The following PPP2R5C variants were observed in gnomAD, a reference collection of about 807,000 sequenced individuals.
The protein encoded by PPP2R5C is protein phosphatase 2 regulatory subunit B'gamma, also known as serine/threonine-protein phosphatase 2A 56 kDa regulatory subunit gamma isoform.
A neutral mutation model predicts 68.9 loss-of-function variants in PPP2R5C; 7 were observed. The ratio of observed to expected loss-of-function variants is 0.10; its 90% CI spans 0.06 to 0.19. The LOEUF (loss-of-function observed/expected upper bound fraction) is 0.19. Ranked by LOEUF, PPP2R5C falls within the 10% of genes least tolerant of loss-of-function variation. PPP2R5C has a pLI of 1.00. For missense variants in PPP2R5C, 348 were observed against 641.3 expected (o/e 0.54, Z 4.94); for synonymous variants, 210 against 222.2 (o/e 0.95, Z 0.49).
At chr14:101,842,832 C>G (rs1289474028) in intron 1 of PPP2R5C, among the ~76,000 whole-genome samples, 2 of 149,080 alleles carry the variant, frequency 1.3e-5, no homozygotes, top group African/African-American at 5.0e-5. Context: ...CCCACCATTT[C>G]CGTGTCTGAT....
chr14:101,910,295 G>A (rs2046309647), intron 11 of PPP2R5C, among the ~76,000 whole-genome samples: 1 of 152,300 alleles, frequency 6.6e-6, no homozygotes, highest in Non-Finnish European at 1.5e-5. Context: ...GTTGAGTATG[G>A]ACTATTGGCA....
intron 2 of PPP2R5C, among the ~76,000 whole-genome samples, chr14:101,783,388 G>T (rs2037927948): frequency 6.6e-6 from 1 of 150,648 alleles, no homozygotes; most frequent in Non-Finnish European, 1.5e-5. Context: ...CTGCCCTCCT[G>T]AGCTGATGTC....
chr14:101,773,981 C>G (rs1180635696), intron 2 of PPP2R5C, among the ~76,000 whole-genome samples: 1 of 152,238 alleles, frequency 6.6e-6, no homozygotes, highest in Non-Finnish European at 1.5e-5. Flanking sequence ...AGACATGAAC[C>G]ACTGAGTCTG....
intron 1 of PPP2R5C, among the ~76,000 whole-genome samples, chr14:101,845,092 C>T (rs1219093876): frequency 6.6e-6 from 1 of 151,564 alleles, no homozygotes; most frequent in East Asian, 1.9e-4. Context: ...GGATTTATAT[C>T]TTTATCCCTA....
At chr14:101,914,172 C>A (rs1370863046) in intron 12 of PPP2R5C, 2 of 455,954 alleles carry the variant, frequency 4.4e-6, no homozygotes, top group African/African-American at 4.0e-5. Context: ...GTGGTGGTGG[C>A]AGGCATGCCG....
chr14:101,912,376 C>A, intron 11 of PPP2R5C, 25 bp from the exon 14 acceptor site: 1 of 1,572,132 alleles, frequency 6.4e-7, no homozygotes, highest in South Asian at 1.2e-5. Flanking sequence ...ATCTCTAACA[C>A]AGATGACATT....
rs866088906 is a variant in PPP2R5C, at chr14:101,835,790, A to T, written c.95-20896A>T. ...GGGGTGCCTCTTGCCCTTGCAGATCACCAGGTGCTCCGAGCTGCCCTGCCT... is the reference window on the plus strand; with the variant it reads ...GGGGTGCCTCTTGCCCTTGCAGATCTCCAGGTGCTCCGAGCTGCCCTGCCT... On this transcript the variant is annotated intron_variant, in intron 1 of 13. Transcript: ENST00000334743. This position sits in a 1 kb window ranked among gnomAD's most constrained non-coding sequence, Gnocchi z 5.0. 6.6e-6 allele frequency among the ~76,000 whole-genome samples: 1 copy of T among 152,164 alleles called. No individual in the cohort carries two copies. The highest frequency in any genetic ancestry group is 1.5e-5 in the Non-Finnish European group (1 of 68,030).
At chr14:101,892,104 C>A (rs949666653) in intron 6 of PPP2R5C, among the ~76,000 whole-genome samples, 1 of 151,982 alleles carries the variant, frequency 6.6e-6, no homozygotes, top group Non-Finnish European at 1.5e-5. Flanking sequence ...TATAGGAGCC[C>A]GCCACCGCGC....
At chr14:101,927,744 T>C (rs1401514724) in exon 14 of PPP2R5C, 2 of 152,638 alleles carry the variant, frequency 1.3e-5, no homozygotes, top group Non-Finnish European at 2.9e-5. Flanking sequence ...ACAGCAAATA[T>C]AGGTAAGTGG....
intron 2 of PPP2R5C, among the ~76,000 whole-genome samples, chr14:101,864,163 A>G (rs528159625): frequency 6.6e-6 from 1 of 152,344 alleles, no homozygotes; most frequent in South Asian, 2.1e-4. Context: ...TTCATTCAAT[A>G]TGAGGTTTTC....
rs144781324 is a variant in PPP2R5C, at chr14:101,906,391, G to A, written c.1024-11G>A. 1,268 of 1,584,874 alleles carry A rather than the reference G, an allele frequency of 8.0e-4. 22 individuals are homozygous for A. The East Asian group carries it at 0.024, about 30-fold the overall frequency. ...ACAACCTCCAGCAAGCCATCCACTTGTGTCTTTCAGGTGGCAGAGCGAGCT... is the reference window on the plus strand; with the variant it reads ...ACAACCTCCAGCAAGCCATCCACTTATGTCTTTCAGGTGGCAGAGCGAGCT... On this transcript the variant is annotated splice_polypyrimidine_tract_variant and intron_variant, in intron 9 of 13. Coordinates refer to ENST00000334743, the Ensembl canonical transcript of PPP2R5C. The surrounding 1 kb of genome is among the most constrained non-coding windows in gnomAD (Gnocchi z 4.0).
intron 1 of PPP2R5C, among the ~76,000 whole-genome samples, chr14:101,845,823 A>AG (rs775520154): frequency 2.6e-5 from 4 of 152,202 alleles, no homozygotes; most frequent in Admixed American, 1.3e-4. Context: ...CATGTGTACA[A>AG]CAAAGCTGGA....
intron 2 of PPP2R5C, among the ~76,000 whole-genome samples, chr14:101,763,613 C>T (rs866761280): frequency 6.6e-6 from 1 of 152,132 alleles, no homozygotes; most frequent in African/African-American, 2.4e-5. Context: ...GAACTCCTGT[C>T]CTCGTGACCC....
At chr14:101,908,852 G>A (rs1299027756) in intron 10 of PPP2R5C, among the ~76,000 whole-genome samples, 1 of 152,176 alleles carries the variant, frequency 6.6e-6, no homozygotes, top group Non-Finnish European at 1.5e-5. Flanking sequence ...GTACAACTTG[G>A]GTTTTATTAC....
chr14:101,853,294 T>C (rs1319091768), intron 1 of PPP2R5C, among the ~76,000 whole-genome samples: 1 of 151,666 alleles, frequency 6.6e-6, no homozygotes, highest in Admixed American at 6.6e-5. Flanking sequence ...ATTTTTTAAA[T>C]GAAGAAAAGA....
intron 2 of PPP2R5C, among the ~76,000 whole-genome samples, chr14:101,860,358 C>T (rs184665503): frequency 1.3e-5 from 2 of 152,194 alleles, no homozygotes; most frequent in Non-Finnish European, 2.9e-5. Context: ...GGTTCATCCA[C>T]GTGCCAGTAC....
intron 3 of PPP2R5C, among the ~76,000 whole-genome samples, chr14:101,788,734 T>G (rs942576246): frequency 7.2e-5 from 11 of 152,354 alleles, no homozygotes; most frequent in Middle Eastern, 6.8e-3. Context: ...TCTAAAACAT[T>G]AATGCCTCTG....
At chr14:101,811,879 C>T (rs1413516406) in intron 1 of PPP2R5C, among the ~76,000 whole-genome samples, 1 of 151,312 alleles carries the variant, frequency 6.6e-6, no homozygotes, top group Non-Finnish European at 1.5e-5. Context: ...TTTAAAATTC[C>T]AAGACCTTAT....
chr14:101,815,187 C>G (rs909152444), intron 1 of PPP2R5C, among the ~76,000 whole-genome samples: 1 of 152,222 alleles, frequency 6.6e-6, no homozygotes, highest in Non-Finnish European at 1.5e-5. Flanking sequence ...AAGGGAGCCT[C>G]TTGCCCAGGG....
Sources: gnomAD v4.1 joint callset for allele counts (sites outside exome capture counted in the v4.1 genomes callset) on GRCh38, gnomAD v4.1.1 for gene constraint, Gnocchi (gnomAD v3.1) non-coding constraint, MANE v1.5 for transcripts, NCBI Gene and HGNC (gene_info 2026-07-23, HGNC 2026-07-21) for gene names.